MSRA: variants seen among roughly 807,000 people sequenced by gnomAD.
The protein encoded by MSRA is mitochondrial peptide methionine sulfoxide reductase.
MSRA carries 54 observed loss-of-function variants against 31.3 expected under a neutral mutation model. That is an observed-to-expected ratio of 1.73 (90% confidence interval 1.39 to 2.17). MSRA has a LOEUF of 2.17. Ranked by LOEUF, MSRA falls within the 30% of genes most tolerant of loss-of-function variation. MSRA has a pLI of 0.00. For missense variants in MSRA, 507 were observed against 300.9 expected (o/e 1.69, Z -5.07); for synonymous variants, 169 against 116.5 (o/e 1.45, Z -2.90).
intron 4 of MSRA, among the ~76,000 whole-genome samples, chr8:10,305,019 G>A (rs1252396578): frequency 2.0e-5 from 3 of 152,160 alleles, no homozygotes; most frequent in South Asian, 2.1e-4. Flanking sequence ...GTGAAGATGC[G>A]CCCAGGAAAC....
chr8:10,347,755 T>C (rs2129155680), intron 5 of MSRA, among the ~76,000 whole-genome samples: 1 of 152,338 alleles, frequency 6.6e-6, no homozygotes, highest in South Asian at 2.1e-4. Flanking sequence ...ATAGTGTTCA[T>C]TACTCCTTGC....
At chr8:10,372,624 G>A (rs886604893) in intron 5 of MSRA, among the ~76,000 whole-genome samples, 5 of 152,124 alleles carry the variant, frequency 3.3e-5, no homozygotes, top group Admixed American at 2.6e-4. Flanking sequence ...AACAAAGGGG[G>A]TTAGCTTACA....
intron 3 of MSRA, among the ~76,000 whole-genome samples, chr8:10,256,417 A>G (rs1386197295): frequency 6.6e-6 from 1 of 152,206 alleles, no homozygotes; most frequent in Non-Finnish European, 1.5e-5. Context: ...ATTACGGATG[A>G]AGCTGCTGTC....
chr8:10,294,742 A>C (rs1800437147), intron 3 of MSRA, among the ~76,000 whole-genome samples: 1 of 152,114 alleles, frequency 6.6e-6, no homozygotes. Context: ...AGCCCAGTTC[A>C]CACTGGAGGG....
At chr8:10,386,393 TA>T (rs1474722415) in intron 5 of MSRA, among the ~76,000 whole-genome samples, 1 of 152,128 alleles carries the variant, frequency 6.6e-6, no homozygotes, top group East Asian at 1.9e-4. Context: ...TGAACAGATA[TA>T]CCTGAAGCAG....
At chr8:10,256,674 C>G (rs553708877) in intron 3 of MSRA, among the ~76,000 whole-genome samples, 1 of 152,322 alleles carries the variant, frequency 6.6e-6, no homozygotes, top group South Asian at 2.1e-4. Flanking sequence ...GTGAAAACTT[C>G]CAACAGTACT....
chr8:10,173,473 G>T (rs890163336), intron 1 of MSRA, among the ~76,000 whole-genome samples: 1 of 152,186 alleles, frequency 6.6e-6, no homozygotes, highest in Admixed American at 6.5e-5. Flanking sequence ...ATCTATACTG[G>T]GCCAAGTCTT....
intron 1 of MSRA, among the ~76,000 whole-genome samples, chr8:10,114,270 C>T (rs1563111040): frequency 6.6e-6 from 1 of 152,150 alleles, no homozygotes; most frequent in Non-Finnish European, 1.5e-5. Context: ...TAGTATTTGG[C>T]TATCTCGAAT....
intron 2 of MSRA, among the ~76,000 whole-genome samples, chr8:10,218,697 A>G (rs1810223829): frequency 6.6e-6 from 1 of 152,222 alleles, no homozygotes; most frequent in African/African-American, 2.4e-5. Context: ...ATGGCTCTAA[A>G]CGTGTATTCC....
intron 2 of MSRA, among the ~76,000 whole-genome samples, chr8:10,222,804 A>G (rs1322912453): frequency 6.6e-6 from 1 of 152,238 alleles, no homozygotes; most frequent in East Asian, 1.9e-4. Flanking sequence ...TCATCAAAGC[A>G]GAGAGTACAA....
At chr8:10,193,658 G>C (rs1023371838) in intron 1 of MSRA, among the ~76,000 whole-genome samples, 1 of 152,168 alleles carries the variant, frequency 6.6e-6, no homozygotes, top group Non-Finnish European at 1.5e-5. Flanking sequence ...AGAAAGGCAA[G>C]TGTAAAAAAG....
intron 1 of MSRA, among the ~76,000 whole-genome samples, chr8:10,118,957 G>T (rs528181449): frequency 3.9e-5 from 6 of 152,162 alleles, no homozygotes; most frequent in African/African-American, 1.4e-4. Flanking sequence ...GCCCGGGCTG[G>T]TCTGGTCCCC....
chr8:10,273,148 T>C (rs1799134536), intron 3 of MSRA, among the ~76,000 whole-genome samples: 1 of 152,210 alleles, frequency 6.6e-6, no homozygotes, highest in African/African-American at 2.4e-5. Context: ...GTAGGAACTA[T>C]TTGAATTTTG....
At chr8:10,291,003 T>C (rs1203675788) in intron 3 of MSRA, among the ~76,000 whole-genome samples, 1 of 152,140 alleles carries the variant, frequency 6.6e-6, no homozygotes, top group African/African-American at 2.4e-5. Flanking sequence ...GGGTTAGCAT[T>C]GGGTGCGAAG....
At chr8:10,254,685 A>G (rs77353027) in intron 3 of MSRA, among the ~76,000 whole-genome samples, 2,522 of 152,286 alleles carry the variant, frequency 0.017, 70 homozygotes, top group African/African-American at 0.058. Flanking sequence ...GGTTTTGACA[A>G]TCTCCGCTGG....
At chr8:10,373,372 C>G (rs1284824879) in intron 5 of MSRA, among the ~76,000 whole-genome samples, 1 of 152,166 alleles carries the variant, frequency 6.6e-6, no homozygotes, top group Non-Finnish European at 1.5e-5. Flanking sequence ...GTTTTTTTCT[C>G]TTTTTAGAGA....
intron 2 of MSRA, among the ~76,000 whole-genome samples, chr8:10,212,146 C>A (rs1809558215): frequency 6.6e-6 from 1 of 151,632 alleles, no homozygotes; most frequent in Admixed American, 6.6e-5. Flanking sequence ...GAGATCGCGC[C>A]ACTGCACTCC....
At chr8:10,242,230 C>T (rs1390461005) in intron 2 of MSRA, among the ~76,000 whole-genome samples, 2 of 150,870 alleles carry the variant, frequency 1.3e-5, no homozygotes, top group African/African-American at 4.9e-5. Flanking sequence ...GAGATTGCGC[C>T]ACTGAACTCC....
At chr8:10,421,235 A>G (rs1352609457) in intron 5 of MSRA, among the ~76,000 whole-genome samples, 1 of 152,104 alleles carries the variant, frequency 6.6e-6, no homozygotes, top group African/African-American at 2.4e-5. Context: ...TCGGCTGCTG[A>G]CCGGTGGCTG....
Sources: gnomAD v4.1 joint callset for allele counts (sites outside exome capture counted in the v4.1 genomes callset) on GRCh38, gnomAD v4.1.1 for gene constraint, MANE v1.5 for transcripts, NCBI Gene and HGNC (gene_info 2026-07-23, HGNC 2026-07-21) for gene names.